SIDT1: variants seen among roughly 807,000 people sequenced by gnomAD.
The protein encoded by SIDT1 is SID1 transmembrane family, member 1.
A neutral mutation model predicts 107.5 loss-of-function variants in SIDT1; 101 were observed. The observed-to-expected ratio is 0.94, with a 90% CI of 0.80 to 1.11. The LOEUF (loss-of-function observed/expected upper bound fraction) is 1.11, where lower values mean the gene tolerates loss of function less well. Among genes scored for constraint, SIDT1 ranks in the 50% least tolerant of loss-of-function variants. The pLI is 0.00. For missense variants in SIDT1, 1,076 were observed against 1,058.2 expected (o/e 1.02, Z -0.23); for synonymous variants, 395 against 398.2 (o/e 0.99, Z 0.10).
chr3:113,614,316 G>A (rs948981782), intron 19 of SIDT1, among the ~76,000 whole-genome samples: 2 of 152,230 alleles, frequency 1.3e-5, no homozygotes, highest in Admixed American at 6.5e-5. Context: ...CCTCCCCAGT[G>A]TGGTGGGTCC....
chr3:113,633,523 T>C (rs1947106489), downstream of SIDT1, among the ~76,000 whole-genome samples: 1 of 152,152 alleles, frequency 6.6e-6, no homozygotes, highest in Non-Finnish European at 1.5e-5. Context: ...AGGGAACAGG[T>C]ATGATTTTAG....
intron 7 of SIDT1, among the ~76,000 whole-genome samples, chr3:113,584,232 G>T (rs1943573600): frequency 6.6e-6 from 1 of 152,112 alleles, no homozygotes; most frequent in South Asian, 2.1e-4. Flanking sequence ...TAATTACATG[G>T]CTCCAAAATT....
intron 17 of SIDT1, 43 bp downstream of exon 17, chr3:113,608,579 T>C: frequency 7.1e-7 from 1 of 1,409,870 alleles, no homozygotes; most frequent in Non-Finnish European, 1.0e-6. Flanking sequence ...GAATCGTCAG[T>C]CTTATCCTGG....
At chr3:113,634,190 T>C (rs1393880232), downstream of SIDT1, among the ~76,000 whole-genome samples, 4 of 152,190 alleles carry the variant, frequency 2.6e-5, no homozygotes, top group Non-Finnish European at 5.9e-5. Context: ...CTCCTCTGCC[T>C]AACTCTTCCT....
At chr3:113,599,508 A>G (rs1458791686) in intron 10 of SIDT1, among the ~76,000 whole-genome samples, 1 of 152,258 alleles carries the variant, frequency 6.6e-6, no homozygotes, top group Non-Finnish European at 1.5e-5. Flanking sequence ...TCAGTTAAAA[A>G]GATAAGTTTT....
intron 1 of SIDT1, among the ~76,000 whole-genome samples, chr3:113,540,351 A>T (rs1365923525): frequency 6.6e-6 from 1 of 152,218 alleles, no homozygotes; most frequent in East Asian, 1.9e-4. Flanking sequence ...CTTGGGGGAC[A>T]AACATCCAAC....
At chr3:113,552,607 A>C (rs1576736689) in intron 1 of SIDT1, among the ~76,000 whole-genome samples, 1 of 152,360 alleles carries the variant, frequency 6.6e-6, no homozygotes, top group Middle Eastern at 3.4e-3. Context: ...AGCAGCAGTC[A>C]TGCCACAGGA....
At chr3:113,546,081 T>A (rs1939549257) in intron 1 of SIDT1, among the ~76,000 whole-genome samples, 1 of 152,210 alleles carries the variant, frequency 6.6e-6, no homozygotes, top group Non-Finnish European at 1.5e-5. Flanking sequence ...GGGAAGAGCA[T>A]GGGGTGGAGT....
chr3:113,634,411 CT>C (rs1947110855), downstream of SIDT1, among the ~76,000 whole-genome samples: 1 of 152,174 alleles, frequency 6.6e-6, no homozygotes, highest in Non-Finnish European at 1.5e-5. Context: ...AATCCCAGCA[CT>C]TTGGGAGGTC....
downstream of SIDT1, among the ~76,000 whole-genome samples, chr3:113,630,390 G>A (rs1947081469): frequency 6.6e-6 from 1 of 152,174 alleles, no homozygotes; most frequent in South Asian, 2.1e-4. Context: ...AGCAGGAGAA[G>A]CCAGTGGAAT....
intron 14 of SIDT1, chr3:113,606,351 G>C (rs919806514): frequency 6.6e-6 from 1 of 152,244 alleles, no homozygotes; most frequent in Non-Finnish European, 1.5e-5. Context: ...GAGTCCCTGA[G>C]GGTGGGGCCA....
At chr3:113,621,875 T>C (rs970434065) in intron 21 of SIDT1, among the ~76,000 whole-genome samples, 1 of 152,160 alleles carries the variant, frequency 6.6e-6, no homozygotes, top group African/African-American at 2.4e-5. Context: ...TACGGTCCAA[T>C]ACAGTAACTA....
intron 1 of SIDT1, among the ~76,000 whole-genome samples, chr3:113,534,923 G>A (rs1937936631): frequency 2.0e-5 from 3 of 152,190 alleles, no homozygotes; most frequent in Non-Finnish European, 4.4e-5. Flanking sequence ...ATTGAGGGCA[G>A]GGGCAAAGTC....
At chr3:113,609,458 G>A (rs553609226) in intron 17 of SIDT1, among the ~76,000 whole-genome samples, 1 of 152,282 alleles carries the variant, frequency 6.6e-6, no homozygotes, top group South Asian at 2.1e-4. Context: ...ACTATCTTTA[G>A]ACCAATCAGC....
At chr3:113,625,041 A>G (rs1033607533) in intron 23 of SIDT1, among the ~76,000 whole-genome samples, 2 of 151,802 alleles carry the variant, frequency 1.3e-5, no homozygotes, top group Admixed American at 6.6e-5. Flanking sequence ...GGGAGTGCAG[A>G]TAACTCTTTG....
Position 113,584,683 on chromosome 3 carries a change from T to A in SIDT1, c.836-15T>A. ...TTCAATGTGCTTTGTTCTTTTTTTATTTTTTTTAAACCAGAAAAGGAAAAC... is the reference window on the plus strand; with the variant it reads ...TTCAATGTGCTTTGTTCTTTTTTTAATTTTTTTAAACCAGAAAAGGAAAAC... On this transcript the variant is annotated splice_polypyrimidine_tract_variant and intron_variant, in intron 7 of 24. Transcript: ENST00000264852. 6.5e-7 allele frequency: 1 copy of A among 1,535,976 alleles called. No homozygotes were observed. The highest frequency in any genetic ancestry group is 8.9e-7 in the Non-Finnish European group (1 of 1,128,040).
At chr3:113,631,826 C>CA (rs765837087), downstream of SIDT1, among the ~76,000 whole-genome samples, 18 of 152,106 alleles carry the variant, frequency 1.2e-4, no homozygotes, top group Non-Finnish European at 2.4e-4. Context: ...TATTGTAGTA[C>CA]AAAAAAGACT....
In SIDT1 at chr3:113,585,283, T is replaced by G. The variant is rs763996081; in HGVS notation, c.1001+13T>G. 1 of 1,571,988 alleles carries G rather than the reference T, an allele frequency of 6.4e-7. No individual in the cohort carries two copies. The highest frequency in any genetic ancestry group is 8.8e-7 in the Non-Finnish European group (1 of 1,141,930). ...TTCATTATCTGAGGTAGGTCAATCT[T>G]TTCTAGAAATGTTAATTCCCTGTGC... On this transcript the variant is annotated intron_variant, in intron 9 of 24. Transcript: ENST00000264852.
intron 1 of SIDT1, among the ~76,000 whole-genome samples, chr3:113,563,743 T>C (rs1289059502): frequency 2.6e-5 from 4 of 152,200 alleles, no homozygotes; most frequent in Non-Finnish European, 5.9e-5. Flanking sequence ...CCAATTTTTT[T>C]TAACTGGAAA....
Sources: gnomAD v4.1 joint callset for allele counts (sites outside exome capture counted in the v4.1 genomes callset) on GRCh38, gnomAD v4.1.1 for gene constraint, MANE v1.5 for transcripts, NCBI Gene and HGNC (gene_info 2026-07-23, HGNC 2026-07-21) for gene names.